The following ADGRL4 variants were observed in gnomAD, a reference collection of about 807,000 sequenced individuals.
The protein encoded by ADGRL4 is EGF, latrophilin and seven transmembrane domain containing 1.
In ADGRL4, 90 loss-of-function variants were observed where a neutral mutation model predicts 74.8. The observed-to-expected ratio is 1.20, with a 90% confidence interval of 1.02 to 1.43. The LOEUF (loss-of-function observed/expected upper bound fraction) is 1.43. Ranked by LOEUF, ADGRL4 falls within the 40% of genes most tolerant of loss-of-function variation. ADGRL4 has a pLI of 0.00. For synonymous variants in ADGRL4, 311 were observed against 279.2 expected (o/e 1.11, Z -1.14); for missense variants, 881 against 814.3 (o/e 1.08, Z -1.00).
At chr1:78,904,771 C>T (rs993106395) in intron 12 of ADGRL4, among the ~76,000 whole-genome samples, 1 of 152,008 alleles carries the variant, frequency 6.6e-6, no homozygotes, top group East Asian at 1.9e-4. Context: ...ACTTTCCTTG[C>T]GTGTAAAATG....
At chr1:79,003,578 C>G (rs1358502554) in intron 2 of ADGRL4, among the ~76,000 whole-genome samples, 2 of 151,802 alleles carry the variant, frequency 1.3e-5, no homozygotes, top group African/African-American at 4.8e-5. Context: ...GGGAAAACAA[C>G]TGCATTAGAT....
chr1:78,988,921 C>T (rs1017700890), intron 2 of ADGRL4, among the ~76,000 whole-genome samples: 1 of 151,766 alleles, frequency 6.6e-6, no homozygotes, highest in Non-Finnish European at 1.5e-5. Flanking sequence ...TTCTAATAAG[C>T]TTTATGCCGA....
intron 12 of ADGRL4, 67 bp from the exon 13 acceptor site, chr1:78,893,256 T>C (rs1648327626): frequency 1.1e-6 from 1 of 929,650 alleles, no homozygotes; most frequent in African/African-American, 1.7e-5. Flanking sequence ...ATAAAGAAAA[T>C]AAATGGTAAA....
At chr1:78,930,913 AATC>A (rs1236175224) in intron 7 of ADGRL4, among the ~76,000 whole-genome samples, 1 of 151,408 alleles carries the variant, frequency 6.6e-6, no homozygotes, top group Non-Finnish European at 1.5e-5. Flanking sequence ...ACCAGAATTG[AATC>A]AACATTGAAT....
intron 2 of ADGRL4, among the ~76,000 whole-genome samples, chr1:78,954,934 T>C (rs1016911859): frequency 5.3e-5 from 8 of 152,088 alleles, no homozygotes; most frequent in Admixed American, 1.3e-4. Flanking sequence ...AAAAATGTAA[T>C]TAATAAAATT....
At chr1:78,927,176 G>A (rs1401572878) in intron 7 of ADGRL4, 85 bp from the exon 8 acceptor site, 1 of 877,550 alleles carries the variant, frequency 1.1e-6, no homozygotes, top group African/African-American at 1.7e-5. Context: ...AAATTGAATA[G>A]ACAAACATTT....
intron 2 of ADGRL4, among the ~76,000 whole-genome samples, chr1:78,996,290 G>A (rs191894802): frequency 1.4e-4 from 21 of 152,240 alleles, no homozygotes; most frequent in Admixed American, 1.3e-3. Flanking sequence ...CACGATTTGA[G>A]TAGGTTTTTA....
At chr1:78,909,548 G>T in intron 12 of ADGRL4, among the ~76,000 whole-genome samples, 1 of 151,856 alleles carries the variant, frequency 6.6e-6, no homozygotes, top group East Asian at 1.9e-4. Flanking sequence ...GATCCAACGT[G>T]TCAGCTCTGC....
chr1:78,990,518 T>C (rs1557522768), intron 2 of ADGRL4, among the ~76,000 whole-genome samples: 1 of 151,962 alleles, frequency 6.6e-6, no homozygotes, highest in Non-Finnish European at 1.5e-5. Flanking sequence ...GCTATACTTA[T>C]TTATTCTTAA....
chr1:78,984,063 A>C (rs886407929), intron 2 of ADGRL4, among the ~76,000 whole-genome samples: 2 of 151,838 alleles, frequency 1.3e-5, no homozygotes, highest in African/African-American at 4.8e-5. Flanking sequence ...AGTCGAAAAC[A>C]ACATTACTAC....
chr1:78,988,586 T>C (rs938736445), intron 2 of ADGRL4, among the ~76,000 whole-genome samples: 37 of 151,940 alleles, frequency 2.4e-4, no homozygotes, highest in Admixed American at 1.4e-3. Context: ...AATACTACAC[T>C]GATGAATGCC....
chr1:78,967,210 A>G (rs967871286), intron 2 of ADGRL4, among the ~76,000 whole-genome samples: 2 of 152,218 alleles, frequency 1.3e-5, no homozygotes, highest in Non-Finnish European at 2.9e-5. Flanking sequence ...TAGGTGGACT[A>G]AATTATGCAG....
rs748860340 is a variant in ADGRL4 at position 78,927,067 on chromosome 1, T to C, written c.902A>G (p.Tyr301Cys). The change falls in exon 8 of 15, where the codon TAT becomes TGT. Residue 301 changes from tyrosine (Y) to cysteine (C), a missense_variant. By Grantham distance (194) the Tyr-to-Cys change is radical. Transcript: ENST00000370742. ...AAGCAAAGGACCAATACTCTTATAATATACAAATGCAACTGCAACATTGCC... is the reference window on the plus strand; with the variant it reads ...AAGCAAAGGACCAATACTCTTATAACATACAAATGCAACTGCAACATTGCC... ...SNGNVAVAFVYYKSIGPLLSS... is the reference protein window; with the variant it reads ...SNGNVAVAFVCYKSIGPLLSS... The C allele has an allele frequency of 8.7e-6, 14 of 1,601,460 alleles. No homozygotes were observed. In the African/African-American group the frequency reaches 1.2e-4, roughly 14 times the overall value.
chr1:78,916,187 T>G (rs1333080164), intron 12 of ADGRL4, among the ~76,000 whole-genome samples: 1 of 151,930 alleles, frequency 6.6e-6, no homozygotes, highest in East Asian at 1.9e-4. Context: ...TGTTAAAAAC[T>G]ATTTCAAAGA....
At chr1:78,976,518 A>G (rs770109983) in intron 2 of ADGRL4, among the ~76,000 whole-genome samples, 4 of 151,858 alleles carry the variant, frequency 2.6e-5, no homozygotes, top group Non-Finnish European at 4.4e-5. Context: ...TTAGTTTTTC[A>G]TTAATTTAGT....
chr1:78,908,613 A>G (rs1648693162), intron 12 of ADGRL4, among the ~76,000 whole-genome samples: 1 of 151,972 alleles, frequency 6.6e-6, no homozygotes, highest in African/African-American at 2.4e-5. Context: ...AAAAGACTAT[A>G]GGAATGTAAA....
intron 7 of ADGRL4, among the ~76,000 whole-genome samples, chr1:78,932,324 C>T (rs945754495): frequency 6.6e-6 from 1 of 151,220 alleles, no homozygotes; most frequent in Non-Finnish European, 1.5e-5. Flanking sequence ...CTGAATGAAT[C>T]CTGGGTAAAT....
intron 8 of ADGRL4, among the ~76,000 whole-genome samples, chr1:78,922,884 T>C (rs1039510088): frequency 4.5e-4 from 68 of 151,924 alleles, no homozygotes; most frequent in African/African-American, 1.6e-3. Context: ...GGAGTAAGGA[T>C]TATCAGTCAA....
At chr1:78,897,137 A>T (rs1648415451) in intron 12 of ADGRL4, among the ~76,000 whole-genome samples, 1 of 152,170 alleles carries the variant, frequency 6.6e-6, no homozygotes, top group South Asian at 2.1e-4. Context: ...TGTACAATGC[A>T]AACTTTGTAG....
Sources: gnomAD v4.1 joint callset for allele counts (sites outside exome capture counted in the v4.1 genomes callset) on GRCh38, gnomAD v4.1.1 for gene constraint, MANE v1.5 for transcripts, NCBI Gene and HGNC (gene_info 2026-07-23, HGNC 2026-07-21) for gene names.